FRMD4A: variants seen among roughly 807,000 people sequenced by gnomAD.
The protein encoded by FRMD4A is FERM domain-containing protein 4A.
A neutral mutation model predicts 129.1 loss-of-function variants in FRMD4A; 29 were observed. That is an observed-to-expected ratio of 0.22 (90% CI 0.17 to 0.31). FRMD4A has a LOEUF of 0.31. Among genes scored for constraint, FRMD4A ranks in the 10% least tolerant of loss-of-function variants. The pLI is 1.00. For missense variants in FRMD4A, 1,272 were observed against 1,375.8 expected, an observed-to-expected ratio of 0.92 and a Z score of 1.19; for synonymous variants, 634 against 571.6, an observed-to-expected ratio of 1.11 and a Z score of -1.56.
rs75616289 is a variant in FRMD4A, at chr10:14,090,643, G to A, written c.46-231731C>T. On this transcript the variant is annotated intron_variant, in intron 2 of 24. Transcript: ENST00000357447. ...TCTCAGTTAACGTTGGAACCATACA[G>A]CAATGAGGCCTGGGTACTACTTGTA... Among the ~76,000 whole-genome samples the A allele has an allele frequency of 4.2e-3, 632 of 152,288 alleles. 11 individuals are homozygous for A. The highest frequency in any genetic ancestry group is 0.014 in the African/African-American group (599 of 41,542).
chr10:14,044,852 T>A (rs771426786), intron 2 of FRMD4A, among the ~76,000 whole-genome samples: 1 of 152,202 alleles, frequency 6.6e-6, no homozygotes, highest in Non-Finnish European at 1.5e-5. Context: ...GAATATCCAA[T>A]GCCTATCTCT....
chr10:14,011,185 T>A (rs1490071198), intron 2 of FRMD4A, among the ~76,000 whole-genome samples: 2 of 152,160 alleles, frequency 1.3e-5, no homozygotes, highest in Non-Finnish European at 2.9e-5. Flanking sequence ...GGAAGATACA[T>A]CCATTGAACC....
intron 2 of FRMD4A, among the ~76,000 whole-genome samples, chr10:14,160,152 A>T (rs1840809932): frequency 6.6e-6 from 1 of 152,232 alleles, no homozygotes; most frequent in Non-Finnish European, 1.5e-5. Context: ...CCCAGATATA[A>T]ATAAGTCTAT....
At chr10:13,968,754 C>G (rs570180462) in intron 2 of FRMD4A, among the ~76,000 whole-genome samples, 67 of 152,294 alleles carry the variant, frequency 4.4e-4, no homozygotes, top group Non-Finnish European at 8.2e-4. Flanking sequence ...GCACCTGGCT[C>G]CATCACTTAT....
intron 2 of FRMD4A, among the ~76,000 whole-genome samples, chr10:14,078,535 C>T (rs1835743024): frequency 6.6e-6 from 1 of 152,258 alleles, no homozygotes; most frequent in African/African-American, 2.4e-5. Context: ...ACCTGTCTCT[C>T]TCAACAGTAA....
intron 2 of FRMD4A, among the ~76,000 whole-genome samples, chr10:13,878,231 A>AAAG (rs1378704609): frequency 4.0e-5 from 6 of 151,792 alleles, no homozygotes; most frequent in African/African-American, 1.4e-4. Context: ...GCAAAAAAAA[A>AAAG]AAAAAAAAAA....
intron 9 of FRMD4A, among the ~76,000 whole-genome samples, chr10:13,747,184 A>C (rs1057132621): frequency 1.3e-5 from 2 of 151,504 alleles, no homozygotes; most frequent in Admixed American, 1.3e-4. Flanking sequence ...TTAAAAAAAA[A>C]AAGAAGAAGA....
At chr10:14,123,610 TAA>T (rs199500811) in intron 2 of FRMD4A, among the ~76,000 whole-genome samples, 1,839 of 152,260 alleles carry the variant, frequency 0.012, 18 homozygotes, top group Middle Eastern at 0.037. Flanking sequence ...GTCTCCTTTC[TAA>T]GTCTCTATAC....
intron 2 of FRMD4A, among the ~76,000 whole-genome samples, chr10:14,084,759 C>A (rs1446048357): frequency 6.6e-6 from 1 of 152,184 alleles, no homozygotes; most frequent in South Asian, 2.1e-4. Context: ...CCAGAGCCCA[C>A]GGGACATATT....
intron 2 of FRMD4A, among the ~76,000 whole-genome samples, chr10:13,917,634 C>T (rs1197987788): frequency 6.6e-6 from 1 of 152,156 alleles, no homozygotes; most frequent in Non-Finnish European, 1.5e-5. Context: ...CTTTCATTCT[C>T]TCTAGGGGGT....
chr10:14,033,393 G>C (rs150118509), intron 2 of FRMD4A, among the ~76,000 whole-genome samples: 2 of 152,120 alleles, frequency 1.3e-5, no homozygotes, highest in African/African-American at 2.4e-5. Context: ...GTGGAGTGTG[G>C]GCTTCTAGTG....
intron 2 of FRMD4A, among the ~76,000 whole-genome samples, chr10:14,107,497 C>T (rs755044851): frequency 1.8e-4 from 28 of 152,234 alleles, no homozygotes; most frequent in Non-Finnish European, 3.7e-4. Flanking sequence ...ATTTATGCAA[C>T]ATGTTTATAT....
At chr10:14,073,312 T>G (rs1588911699) in intron 2 of FRMD4A, among the ~76,000 whole-genome samples, 1 of 152,020 alleles carries the variant, frequency 6.6e-6, no homozygotes, top group Non-Finnish European at 1.5e-5. Flanking sequence ...GGCTACAAGG[T>G]GACAGATGGG....
chr10:13,651,161 T>A (rs1478418833), intron 24 of FRMD4A: 1 of 152,198 alleles, frequency 6.6e-6, no homozygotes, highest in African/African-American at 2.4e-5. Flanking sequence ...TAGGCCAGGG[T>A]GGTGCCCGGG....
At chr10:14,000,515 T>C (rs2095638050) in intron 2 of FRMD4A, among the ~76,000 whole-genome samples, 1 of 151,716 alleles carries the variant, frequency 6.6e-6, no homozygotes, top group South Asian at 2.1e-4. Flanking sequence ...GGCATGGTGA[T>C]GGATGCCTTT....
At chr10:13,746,090 A>C (rs1482209236) in intron 9 of FRMD4A, among the ~76,000 whole-genome samples, 1 of 152,230 alleles carries the variant, frequency 6.6e-6, no homozygotes, top group Non-Finnish European at 1.5e-5. Context: ...GCAATAAAAC[A>C]GCTCAGAGAG....
intron 3 of FRMD4A, among the ~76,000 whole-genome samples, chr10:13,853,370 G>T (rs1265140922): frequency 6.6e-6 from 1 of 152,176 alleles, no homozygotes; most frequent in African/African-American, 2.4e-5. Flanking sequence ...AGCAGAGGGA[G>T]ACCCTGTCTC....
intron 2 of FRMD4A, among the ~76,000 whole-genome samples, chr10:14,120,253 T>C (rs1377080647): frequency 3.9e-5 from 6 of 152,144 alleles, no homozygotes; most frequent in Non-Finnish European, 5.9e-5. Context: ...CTTTTTTTTT[T>C]CTGAAGTCTT....
At position 13,692,501 on chromosome 10, in the gene FRMD4A, A is replaced by G. The variant is rs1363333757; in HGVS notation, c.1117+1397T>C. ...AACATATTATGTTCACAGATTTTAT[A>G]AAAACACATGACCGTGTGAACACAC... is the stretch of plus-strand genomic sequence containing the variant. On this transcript the variant is annotated intron_variant, in intron 15 of 24. Coordinates refer to ENST00000357447, the MANE Select transcript of FRMD4A (RefSeq NM_018027.5). 3 of 152,230 alleles carry G rather than the reference A, an allele frequency of 2.0e-5. No homozygotes were observed. In the East Asian group the frequency reaches 5.8e-4, roughly 29 times the overall value. 9.4% of individuals were successfully genotyped at this position (152,230 alleles called of 1,614,324 possible).
Sources: allele counts gnomAD v4.1 joint callset (sites outside exome capture counted in the v4.1 genomes callset), GRCh38; gene constraint gnomAD v4.1.1; transcripts MANE v1.5; gene names NCBI Gene and HGNC (gene_info 2026-07-23, HGNC 2026-07-21).